The following CACNA1D variants were observed in gnomAD, a reference collection of about 807,000 sequenced individuals.
CACNA1D encodes voltage-dependent L-type calcium channel subunit alpha-1D.
Under a neutral mutation model 257.1 loss-of-function variants are expected in CACNA1D, and 55 were observed. The observed-to-expected ratio is 0.21, with a 90% confidence interval of 0.17 to 0.27. The LOEUF (loss-of-function observed/expected upper bound fraction) is 0.27, where lower values mean the gene tolerates loss of function less well. Among genes scored for constraint, CACNA1D ranks in the 10% least tolerant of loss-of-function variants. The probability of loss-of-function intolerance (pLI) is 1.00; values close to 1 mark genes in which losing one functional copy is unlikely to be tolerated. For synonymous variants in CACNA1D, 980 were observed against 1,014.9 expected (o/e 0.97, Z 0.65); for missense variants, 1,876 against 2,784.0 (o/e 0.67, Z 7.34).
intron 15 of CACNA1D, among the ~76,000 whole-genome samples, chr3:53,727,438 T>A (rs2094946797): frequency 6.6e-6 from 1 of 152,218 alleles, no homozygotes; most frequent in Non-Finnish European, 1.5e-5. Context: ...TGATCTGTGC[T>A]CCCCTGGGCT....
At chr3:53,656,761 CT>C (rs2094151391) in intron 4 of CACNA1D, among the ~76,000 whole-genome samples, 1 of 152,120 alleles carries the variant, frequency 6.6e-6, no homozygotes, top group Non-Finnish European at 1.5e-5. Context: ...TTGAACAGAT[CT>C]TCACAAAAGA....
intron 10 of CACNA1D, chr3:53,718,872 C>G (rs934027130): frequency 4.0e-5 from 32 of 797,166 alleles, no homozygotes; most frequent in Non-Finnish European, 5.6e-5. Flanking sequence ...CCTTCCTAAC[C>G]TCAGGCCTGG....
intron 32 of CACNA1D, among the ~76,000 whole-genome samples, 189 bp from the exon 33 acceptor site, chr3:53,772,644 G>T (rs1166697335): frequency 6.6e-6 from 1 of 152,252 alleles, no homozygotes; most frequent in Non-Finnish European, 1.5e-5. Flanking sequence ...CATGTGGATG[G>T]TGTCTTCAGG....
At chr3:53,760,425 T>C (rs1289886983) in intron 29 of CACNA1D, among the ~76,000 whole-genome samples, 1 of 152,234 alleles carries the variant, frequency 6.6e-6, no homozygotes, top group Non-Finnish European at 1.5e-5. Flanking sequence ...CAGCACTAAA[T>C]GTACCCCGTT....
In CACNA1D at chr3:53,542,973, A is replaced by G. The variant is rs534868930; in HGVS notation, c.483+41253A>G. Among the ~76,000 whole-genome samples, 7 of 150,802 alleles carry G rather than the reference A, an allele frequency of 4.6e-5. No homozygotes were observed. The South Asian group carries it at 1.3e-3, about 27-fold the overall frequency. ...AGGCTGAGGCAGGAGAATCGCTTGA[A>G]CCCGGGAGGCGGAGGTTGTAGTGAG... On this transcript the variant is annotated intron_variant, in intron 3 of 47. Transcript: ENST00000350061.
At chr3:53,575,171 A>G (rs2093014709) in intron 3 of CACNA1D, among the ~76,000 whole-genome samples, 7 of 152,144 alleles carry the variant, frequency 4.6e-5, no homozygotes, top group Admixed American at 4.6e-4. Flanking sequence ...AGGTGCCCAT[A>G]CCTGCGTCCT....
intron 3 of CACNA1D, among the ~76,000 whole-genome samples, chr3:53,559,274 T>C (rs1000685842): frequency 1.2e-4 from 19 of 152,232 alleles, no homozygotes; most frequent in Non-Finnish European, 2.1e-4. Flanking sequence ...ATGGTTAAAA[T>C]AGGTACTTTA....
At chr3:53,591,086 A>G (rs72966328) in intron 3 of CACNA1D, among the ~76,000 whole-genome samples, 5,737 of 152,204 alleles carry the variant, frequency 0.038, 326 homozygotes, top group African/African-American at 0.13. Flanking sequence ...TCCTGCCTCT[A>G]AGCGACACTA....
Position 53,501,705 on chromosome 3 carries a change from A to G in CACNA1D, c.468A>G (p.Ser156=). 1 of 1,569,406 alleles carries G rather than the reference A, an allele frequency of 6.4e-7. No individual in the cohort carries two copies. The highest frequency in any genetic ancestry group is 8.8e-7 in the Non-Finnish European group (1 of 1,139,764). ...CATTCCCTGAAGATGATTCTAATTCAACAAATCATAACTTGGTAAGTGTCC... is the reference window on the plus strand; with the variant it reads ...CATTCCCTGAAGATGATTCTAATTCGACAAATCATAACTTGGTAAGTGTCC... ...YIPFPEDDSN[S]TNHNLEKVEY... The change falls in exon 3 of 48, where the codon TCA becomes TCG. Residue 156 remains serine, a synonymous_variant. Coordinates refer to ENST00000350061, the MANE Select transcript of CACNA1D (RefSeq NM_001128840.3).
In CACNA1D at chr3:53,726,978, A is replaced by G. The variant is rs1461670683; in HGVS notation, c.2200A>G (p.Ile734Val). Reference sequence around the variant, plus strand: ...AATGATCGTCTGCATCTACTTCATCATCCTCTTCATTTGTGGTAACTGTAT... The same window carrying G: ...AATGATCGTCTGCATCTACTTCATCGTCCTCTTCATTTGTGGTAACTGTAT... The part of the protein sequence containing the change: ...SGMIVCIYFI[I>V]LFICGNYILL... Residue 734 changes from isoleucine to valine, a missense_variant, in exon 15 of 48, where the codon ATC (isoleucine) becomes GTC (valine). This residue lies in a region of CACNA1D where 257 missense variants were observed against 399.7 expected (regional missense o/e 0.64). Transcript: ENST00000350061. 1.2e-6 allele frequency: 2 copies of G among 1,614,072 alleles called. No homozygotes were observed. The highest frequency in any genetic ancestry group is 1.7e-6 in the Non-Finnish European group (2 of 1,179,984).
chr3:53,645,371 C>T (rs553648009), intron 3 of CACNA1D, among the ~76,000 whole-genome samples: 2 of 152,260 alleles, frequency 1.3e-5, no homozygotes, highest in African/African-American at 4.8e-5. Context: ...CTTACAGACT[C>T]ATATCTCAAA....
chr3:53,551,050 C>CA (rs1460263140), intron 3 of CACNA1D, among the ~76,000 whole-genome samples: 2 of 152,170 alleles, frequency 1.3e-5, no homozygotes, highest in African/African-American at 2.4e-5. Context: ...ATTTCTATGC[C>CA]AAAAAACATC....
intron 7 of CACNA1D, among the ~76,000 whole-genome samples, chr3:53,670,694 T>C (rs902754215): frequency 6.6e-6 from 1 of 152,186 alleles, no homozygotes; most frequent in Non-Finnish European, 1.5e-5. Flanking sequence ...AGAAAATTAT[T>C]TCCTGGGCAC....
intron 3 of CACNA1D, among the ~76,000 whole-genome samples, chr3:53,508,979 G>A (rs535052854): frequency 8.3e-4 from 126 of 152,170 alleles, no homozygotes; most frequent in Non-Finnish European, 1.4e-3. Context: ...AAGGGTAGAG[G>A]GCTGGTTAGC....
intron 2 of CACNA1D, among the ~76,000 whole-genome samples, chr3:53,500,750 G>A (rs1422825328): frequency 1.3e-5 from 2 of 152,176 alleles, no homozygotes; most frequent in Non-Finnish European, 2.9e-5. Context: ...TGTGTTGCCA[G>A]TTTTGACAAT....
At chr3:53,775,638 A>T (rs2095392729) in intron 34 of CACNA1D, among the ~76,000 whole-genome samples, 1 of 151,644 alleles carries the variant, frequency 6.6e-6, no homozygotes, top group Admixed American at 6.6e-5. Context: ...ATCCATTTAT[A>T]TGCAGACAGT....
intron 29 of CACNA1D, among the ~76,000 whole-genome samples, chr3:53,761,237 G>T (rs2095299861): frequency 6.6e-6 from 1 of 152,180 alleles, no homozygotes; most frequent in South Asian, 2.1e-4. Context: ...GGAAGAAGGA[G>T]CCTATTGGCT....
intron 3 of CACNA1D, among the ~76,000 whole-genome samples, chr3:53,596,320 A>AT (rs2093369287): frequency 6.6e-6 from 1 of 151,748 alleles, no homozygotes. Flanking sequence ...ATGTGTACCC[A>AT]TGAGTGTGAG....
intron 15 of CACNA1D, 137 bp from the exon 16 acceptor site, chr3:53,730,305 T>A: frequency 4.2e-6 from 3 of 707,272 alleles, no homozygotes; most frequent in Non-Finnish European, 7.9e-6. Flanking sequence ...GTACTCTAGT[T>A]TTGCTGTGTG....
Sources: allele counts gnomAD v4.1 joint callset (sites outside exome capture counted in the v4.1 genomes callset), GRCh38; gene constraint gnomAD v4.1.1; regional missense constraint gnomAD v4.1.1; transcripts MANE v1.5; gene names NCBI Gene and HGNC (gene_info 2026-07-23, HGNC 2026-07-21).